The following WDTC1 variants were observed in gnomAD, a reference collection of about 807,000 sequenced individuals.
The protein encoded by WDTC1 is WD and tetratricopeptide repeats protein 1.
A neutral mutation model predicts 76.0 loss-of-function variants in WDTC1; 12 were observed. The observed-to-expected ratio is 0.16, with a 90% confidence interval of 0.10 to 0.26. WDTC1 has a LOEUF of 0.26. WDTC1 is among the 10% of genes least tolerant of loss of function. The pLI, the probability that WDTC1 is intolerant of heterozygous loss-of-function variation, is 1.00. For synonymous variants in WDTC1, 326 were observed against 350.8 expected, an observed-to-expected ratio of 0.93 and a Z score of 0.79; for missense variants, 511 against 908.8, an observed-to-expected ratio of 0.56 and a Z score of 5.63.
chr1:27,278,891 C>T lies in WDTC1; in HGVS notation c.133-3348C>T, dbSNP rs145039631. Among the ~76,000 whole-genome samples, 676 of 152,200 alleles carry T rather than the reference C, an allele frequency of 4.4e-3. 6 individuals are homozygous for T. The highest frequency in any genetic ancestry group is 0.016 in the African/African-American group (645 of 41,530). Reference sequence around the variant, plus strand: ...GGCCAAGGCCAACATGGCAAAACCCCGTCTCAACTAAAAATACAAAAATTA... The same window carrying T: ...GGCCAAGGCCAACATGGCAAAACCCTGTCTCAACTAAAAATACAAAAATTA... On this transcript the variant is annotated intron_variant, in intron 3 of 15. Transcript: ENST00000319394.
chr1:27,292,877 G>A (rs1374433585), intron 7 of WDTC1, among the ~76,000 whole-genome samples: 6 of 146,600 alleles, frequency 4.1e-5, no homozygotes, highest in African/African-American at 1.5e-4. Context: ...TTGTCCTGCC[G>A]AGTAGCTGGG....
chr1:27,302,470 C>T (rs1433372910), intron 13 of WDTC1, among the ~76,000 whole-genome samples: 1 of 152,146 alleles, frequency 6.6e-6, no homozygotes, highest in Non-Finnish European at 1.5e-5. Flanking sequence ...CGCGGTGGCT[C>T]ACGCTTATAA....
At chr1:27,235,622 ACTT>A (rs1420695156) in intron 1 of WDTC1, among the ~76,000 whole-genome samples, 1 of 152,028 alleles carries the variant, frequency 6.6e-6, no homozygotes, top group Non-Finnish European at 1.5e-5. Context: ...AGCAGGATCC[ACTT>A]CTTGGACTGA....
intron 3 of WDTC1, among the ~76,000 whole-genome samples, chr1:27,268,773 G>A (rs2147941835): frequency 6.7e-6 from 1 of 149,346 alleles, no homozygotes; most frequent in African/African-American, 2.5e-5. Flanking sequence ...GGAGTGCAGT[G>A]GCGCAATCTT....
chr1:27,257,701 C>T (rs888408231), intron 1 of WDTC1, among the ~76,000 whole-genome samples: 8 of 152,160 alleles, frequency 5.3e-5, no homozygotes, highest in African/African-American at 1.4e-4. Flanking sequence ...AAAATGCCAG[C>T]GACTGCCATA....
chr1:27,249,936 C>T (rs2011980741), intron 1 of WDTC1, among the ~76,000 whole-genome samples: 3 of 152,080 alleles, frequency 2.0e-5, no homozygotes, highest in Admixed American at 2.0e-4. Context: ...AACAACGTCA[C>T]GATTTTCCTT....
At chr1:27,264,515 GA>G in intron 3 of WDTC1, among the ~76,000 whole-genome samples, 1 of 151,968 alleles carries the variant, frequency 6.6e-6, no homozygotes, top group South Asian at 2.1e-4. Context: ...CCTGTCCATG[GA>G]TAGGCCAGAT....
chr1:27,244,751 A>C (rs1053024252), intron 1 of WDTC1, among the ~76,000 whole-genome samples: 15 of 152,160 alleles, frequency 9.9e-5, no homozygotes, highest in Admixed American at 8.5e-4. Flanking sequence ...AACCACTATA[A>C]ATAGAGTGAA....
chr1:27,294,411 G>A (rs961025700), intron 8 of WDTC1, 103 bp from the exon 9 acceptor site: 29 of 1,058,646 alleles, frequency 2.7e-5, no homozygotes, highest in Middle Eastern at 4.1e-4. Context: ...CTGCTTTTAT[G>A]CTAAAGTTGA....
At chr1:27,289,758 G>A (rs954909501) in intron 6 of WDTC1, among the ~76,000 whole-genome samples, 20 of 151,752 alleles carry the variant, frequency 1.3e-4, no homozygotes, top group Non-Finnish European at 2.7e-4. Context: ...CGAGGCTGGC[G>A]GATCACTCGC....
rs758941365 is a variant in WDTC1 at position 27,304,982 on chromosome 1, C to T, written c.1644-19C>T. 3 of 1,605,056 alleles carry T rather than the reference C, an allele frequency of 1.9e-6. No homozygotes were observed. Among genetic ancestry groups the T allele is most frequent in the Non-Finnish European group, 2.6e-6 (3 of 1,174,092 alleles). On this transcript the variant is annotated intron_variant, in intron 14 of 15. Coordinates refer to ENST00000319394, the MANE Select transcript of WDTC1 (RefSeq NM_001276252.2). The stretch of plus-strand genomic sequence containing the variant: ...GGCAGTACCCCACCTGACCTCCCTG[C>T]CCTTTGCCCCCCCGCCAGCAACGCT...
At position 27,294,070 on chromosome 1, in the gene WDTC1, C is replaced by T; in HGVS notation, c.711C>T (p.Asp237=). 1 of 1,614,146 alleles carries T rather than the reference C, an allele frequency of 6.2e-7. No individual in the cohort carries two copies. The highest frequency in any genetic ancestry group is 8.5e-7 in the Non-Finnish European group (1 of 1,180,022). The change falls in exon 8 of 16, where the codon GAC becomes GAT. Residue 237 remains aspartate (D), a synonymous_variant. Transcript: ENST00000319394. ...CAGCGGGTGTGCACACCTTCTGTGA[C>T]CGGCAGAAACCCCTTCCGGACGGTG... is the stretch of plus-strand genomic sequence containing the variant. ...SPSAGVHTFC[D]RQKPLPDGAA... is the part of the protein sequence containing the mutation.
intron 1 of WDTC1, among the ~76,000 whole-genome samples, chr1:27,258,031 C>T (rs192334157): frequency 0.013 from 1,920 of 151,756 alleles, 22 homozygotes; most frequent in East Asian, 0.024. Flanking sequence ...CCTCGTGATC[C>T]GCCCGCCTCG....
chr1:27,249,521 G>GT (rs2147913137), intron 1 of WDTC1, among the ~76,000 whole-genome samples: 1 of 151,902 alleles, frequency 6.6e-6, no homozygotes, highest in South Asian at 2.1e-4. Flanking sequence ...ACCACATTTT[G>GT]TTTATCTATT....
chr1:27,303,807 T>TC lies in WDTC1; in HGVS notation c.1643+12_1643+13insC, dbSNP rs1158829982. 1.7e-5 allele frequency: 28 copies of TC among 1,613,648 alleles called. No homozygotes were observed. The highest frequency in any genetic ancestry group is 2.1e-5 in the Non-Finnish European group (25 of 1,179,874). On this transcript the variant is annotated intron_variant, in intron 14 of 15. Coordinates refer to ENST00000319394, the MANE Select transcript of WDTC1 (RefSeq NM_001276252.2). This position sits in a 1 kb window ranked among gnomAD's most constrained non-coding sequence, Gnocchi z 4.8. ...AATTTCTTTGGCAGGTCCGAGGCCCTGAAGAGGAGGGTGCAGCCCAGTTGG... is the reference window on the plus strand; with the variant it reads ...AATTTCTTTGGCAGGTCCGAGGCCCTCGAAGAGGAGGGTGCAGCCCAGTTGG...
Position 27,283,418 on chromosome 1 carries a change from C to T in WDTC1, c.260C>T (p.Thr87Met). ...CACAAGAAGCTGCTCTCCATGCACA[C>T]GGGACACACCGCAAATATCTTCTCT... ...LHHKKLLSMH[T>M]GHTANIFSVK... Residue 87 changes from threonine to methionine, a missense_variant, in exon 5 of 16, where the codon ACG becomes ATG. Transcript: ENST00000319394. 1.9e-6 allele frequency: 3 copies of T among 1,613,178 alleles called. No homozygotes were observed. The highest frequency in any genetic ancestry group is 2.5e-6 in the Non-Finnish European group (3 of 1,179,998).
At chr1:27,298,175 C>A (rs946096543) in intron 12 of WDTC1, 64 bp downstream of exon 12, 4 of 1,492,572 alleles carry the variant, frequency 2.7e-6, no homozygotes, top group Non-Finnish European at 3.6e-6. Context: ...GACCAAAAGG[C>A]AGGGGCCTGA....
intron 1 of WDTC1, among the ~76,000 whole-genome samples, chr1:27,238,580 A>G (rs965115399): frequency 1.3e-5 from 2 of 151,846 alleles, no homozygotes; most frequent in African/African-American, 4.8e-5. Context: ...CCCAGGTTCA[A>G]GTGATTCCCA....
At chr1:27,239,308 A>C (rs2011563290) in intron 1 of WDTC1, among the ~76,000 whole-genome samples, 2 of 147,958 alleles carry the variant, frequency 1.4e-5, no homozygotes, top group Non-Finnish European at 1.5e-5. Flanking sequence ...GCTTGAGCCC[A>C]GGAGTTTGAG....
Sources: allele counts gnomAD v4.1 joint callset (sites outside exome capture counted in the v4.1 genomes callset), GRCh38; gene constraint gnomAD v4.1.1; non-coding constraint Gnocchi (gnomAD v3.1); transcripts MANE v1.5; gene names NCBI Gene and HGNC (gene_info 2026-07-23, HGNC 2026-07-21).